The following NCOR2 variants were observed in gnomAD, a reference collection of about 807,000 sequenced individuals.
NCOR2 encodes the protein nuclear receptor corepressor 2.
NCOR2 carries 81 observed loss-of-function variants against 262.9 expected under a neutral mutation model. The observed-to-expected ratio is 0.31, with a 90% CI of 0.26 to 0.37. The LOEUF is 0.37. NCOR2 is among the 10% of genes least tolerant of loss of function. The pLI, the probability that NCOR2 is intolerant of heterozygous loss-of-function variation, is 1.00. For missense variants in NCOR2, 3,385 were observed against 3,621.4 expected (o/e 0.93, Z 1.68); for synonymous variants, 1,659 against 1,559.3 (o/e 1.06, Z -1.51).
chr12:124,382,052 C>A (rs780013938), intron 17 of NCOR2, among the ~76,000 whole-genome samples: 11 of 152,202 alleles, frequency 7.2e-5, no homozygotes, highest in African/African-American at 9.7e-5. Flanking sequence ...CCTTCTCTGG[C>A]CAAGGGTGAC....
intron 16 of NCOR2, among the ~76,000 whole-genome samples, chr12:124,391,524 C>T (rs763380286): frequency 6.6e-6 from 1 of 152,002 alleles, no homozygotes; most frequent in African/African-American, 2.4e-5. Flanking sequence ...TCCACAGGGA[C>T]GGTGCCTCCG....
intron 10 of NCOR2, among the ~76,000 whole-genome samples, chr12:124,428,082 TGTGTGTAC>T (rs1337616220): frequency 2.0e-5 from 3 of 147,620 alleles, no homozygotes; most frequent in African/African-American, 5.1e-5. Context: ...TGTGTGTGTG[TGTGTGTAC>T]ATGCAACAAT....
rs190258928 is a variant in NCOR2 at position 124,408,165 on chromosome 12, T to A, written c.1483-5604A>T. 6.3e-3 allele frequency among the ~76,000 whole-genome samples: 952 copies of A among 152,232 alleles called. 10 individuals are homozygous for A. The highest frequency in any genetic ancestry group is 0.022 in the African/African-American group (918 of 41,536). On this transcript the variant is annotated intron_variant, in intron 13 of 46. Transcript: ENST00000405201. ...GTCAGGAAATCGAGACCATCCTGGCTAACACGGTGAAACCCCATCTCTACT... is the reference window on the plus strand; with the variant it reads ...GTCAGGAAATCGAGACCATCCTGGCAAACACGGTGAAACCCCATCTCTACT...
chr12:124,458,051 GGGTGTTCACA>G (rs2045972518), intron 5 of NCOR2, among the ~76,000 whole-genome samples: 1 of 152,260 alleles, frequency 6.6e-6, no homozygotes, highest in African/African-American at 2.4e-5. Flanking sequence ...GCTGGCAAAT[GGGTGTTCACA>G]GGCTGGCACG....
intron 5 of NCOR2, among the ~76,000 whole-genome samples, chr12:124,460,076 A>G (rs1387431905): frequency 6.6e-6 from 1 of 151,540 alleles, no homozygotes; most frequent in African/African-American, 2.4e-5. Flanking sequence ...TCCCTCGACC[A>G]CTCGTTTTCC....
intron 28 of NCOR2, among the ~76,000 whole-genome samples, chr12:124,349,225 G>A (rs769015897): frequency 1.4e-4 from 21 of 152,188 alleles, no homozygotes; most frequent in Non-Finnish European, 2.4e-4. Flanking sequence ...GGTGGCCCCC[G>A]AAGGTAAAGG....
intron 16 of NCOR2, among the ~76,000 whole-genome samples, chr12:124,396,376 G>A (rs964009699): frequency 1.2e-4 from 18 of 152,176 alleles, no homozygotes; most frequent in Admixed American, 3.3e-4. Context: ...AAAAGGCGGC[G>A]GGAATCACAC....
chr12:124,371,989 A>C, intron 20 of NCOR2, 33 bp downstream of exon 22: 1 of 1,541,612 alleles, frequency 6.5e-7, no homozygotes, highest in Non-Finnish European at 8.7e-7. Flanking sequence ...TGCAGACAAA[A>C]GCCAAGGTTA....
intron 15 of NCOR2, among the ~76,000 whole-genome samples, chr12:124,399,737 G>C (rs535236289): frequency 4.6e-5 from 7 of 152,306 alleles, no homozygotes; most frequent in Admixed American, 2.0e-4. Context: ...CGGCCTGAGC[G>C]CTTGGGCCCC....
rs80009916 is a variant in NCOR2, at chr12:124,330,918, T to A, written c.6905-20A>T. ...TGATATCTGGAAGCGGGTGACAGAGTGGGTGAGGCCCCCAGGTCTCTGGGA... is the reference window on the plus strand; with the variant it reads ...TGATATCTGGAAGCGGGTGACAGAGAGGGTGAGGCCCCCAGGTCTCTGGGA... On this transcript the variant is annotated intron_variant, in intron 43 of 46. Transcript: ENST00000405201. 0.014 allele frequency: 22,252 copies of A among 1,572,136 alleles called. 889 individuals carry two copies. Among genetic ancestry groups the A allele is most frequent in the South Asian group, 0.1 (8,869 of 85,330 alleles).
At chr12:124,408,764 T>A (rs1018356289) in intron 13 of NCOR2, among the ~76,000 whole-genome samples, 6 of 152,028 alleles carry the variant, frequency 3.9e-5, no homozygotes, top group African/African-American at 1.2e-4. Flanking sequence ...AAATAATAAA[T>A]TTTTTTTAAA....
intron 13 of NCOR2, among the ~76,000 whole-genome samples, chr12:124,416,121 G>A (rs192567256): frequency 6.6e-6 from 1 of 152,196 alleles, no homozygotes; most frequent in East Asian, 1.9e-4. Context: ...CGGGGCCCAA[G>A]CTCTGCAGTG....
chr12:124,491,995 C>CATG (rs1484006825), intron 1 of NCOR2, among the ~76,000 whole-genome samples: 2 of 152,216 alleles, frequency 1.3e-5, no homozygotes, highest in Non-Finnish European at 2.9e-5. Context: ...GGGGGCTTTC[C>CATG]ATGGTCTCAG....
At chr12:124,464,806 C>T (rs2046340399) in intron 5 of NCOR2, among the ~76,000 whole-genome samples, 1 of 152,154 alleles carries the variant, frequency 6.6e-6, no homozygotes, top group Non-Finnish European at 1.5e-5. Flanking sequence ...GCTCCAGGGT[C>T]ACAGAGCCAG....
At chr12:124,354,767 C>G in intron 25 of NCOR2, 70 bp downstream of exon 27, 1 of 1,475,520 alleles carries the variant, frequency 6.8e-7, no homozygotes, top group African/African-American at 1.4e-5. Context: ...ACCCCTTCCT[C>G]CCCCGCCCCA....
intron 4 of NCOR2, 81 bp downstream of exon 6, chr12:124,472,871 C>A: frequency 6.3e-7 from 1 of 1,580,078 alleles, no homozygotes; most frequent in Non-Finnish European, 8.7e-7. Flanking sequence ...AAGGGCTTGG[C>A]ACATGTCTGT....
At chr12:124,476,112 A>G (rs1332900956) in intron 3 of NCOR2, among the ~76,000 whole-genome samples, 1 of 152,200 alleles carries the variant, frequency 6.6e-6, no homozygotes. Context: ...GCAGGGGGCC[A>G]TGGGCATCTG....
intron 41 of NCOR2, among the ~76,000 whole-genome samples, chr12:124,334,028 G>GTGTGCGCGCATGTGTGTGTGCGC (rs1593094229): frequency 6.6e-6 from 1 of 150,468 alleles, no homozygotes; most frequent in Non-Finnish European, 1.5e-5. Flanking sequence ...GTGCATGTGT[G>GTGTGCGCGCATGTGTGTGTGCGC]GAAAGGCTGC....
intron 3 of NCOR2, among the ~76,000 whole-genome samples, chr12:124,480,404 G>A (rs1216250909): frequency 2.0e-5 from 3 of 152,198 alleles, no homozygotes; most frequent in Non-Finnish European, 4.4e-5. Context: ...GACCCTGGGG[G>A]ACTGAAGCCT....
Sources: allele counts gnomAD v4.1 joint callset (sites outside exome capture counted in the v4.1 genomes callset), GRCh38; gene constraint gnomAD v4.1.1; transcripts MANE v1.5; gene names NCBI Gene and HGNC (gene_info 2026-07-23, HGNC 2026-07-21).